The following DTWD1 variants were observed in gnomAD, a reference collection of about 807,000 sequenced individuals.
DTWD1 encodes the protein tRNA-uridine aminocarboxypropyltransferase 1.
In DTWD1, 27 loss-of-function variants were observed where a neutral mutation model predicts 30.2. The observed-to-expected ratio is 0.90, with a 90% CI of 0.66 to 1.23. The LOEUF (loss-of-function observed/expected upper bound fraction) is 1.23. DTWD1 is among the 50% of genes most tolerant of loss of function. The pLI, the probability that DTWD1 is intolerant of heterozygous loss-of-function variation, is 0.00. For synonymous variants in DTWD1, 99 were observed against 113.1 expected (o/e 0.88, Z 0.79); for missense variants, 342 against 348.8 (o/e 0.98, Z 0.15).
chr15:49,629,295 G>A (rs145844886), intron 2 of DTWD1, among the ~76,000 whole-genome samples: 1 of 152,130 alleles, frequency 6.6e-6, no homozygotes, highest in African/African-American at 2.4e-5. Flanking sequence ...TACAGGTTTT[G>A]CATAATTATG....
In DTWD1 at chr15:49,650,265, G is replaced by A. The variant is rs962701306; in HGVS notation, c.*6687G>A. On this transcript the variant is annotated 3_prime_UTR_variant, in exon 5 of 5. Coordinates refer to ENST00000403028, the MANE Select transcript of DTWD1 (RefSeq NM_001144955.2). ...TTTACTCTGAGTGATGAGATAGGAA[G>A]CCATCAGAGAATTTAAGCAAATGAG... The A allele has an allele frequency of 6.6e-6, 1 of 152,014 alleles. No individual in the cohort carries two copies. The highest frequency in any genetic ancestry group is 1.5e-5 in the Non-Finnish European group (1 of 67,982). 9.4% of individuals were successfully genotyped at this position (152,014 alleles called of 1,614,324 possible).
At chr15:49,642,922 C>A (rs2153354106) in intron 4 of DTWD1, among the ~76,000 whole-genome samples, 1 of 152,178 alleles carries the variant, frequency 6.6e-6, no homozygotes, top group South Asian at 2.1e-4. Context: ...GAGACCTCAT[C>A]TCTAAATAAA....
At position 49,634,619 on chromosome 15, in the gene DTWD1, T is replaced by C; in HGVS notation, c.492T>C (p.Val164=). ...FHLQKRIQNN[V]RGKNDDPDKP... ...TGCAAAAAAGGATTCAAAATAATGT[T>C]AGAGGCAAAAATGATGACCCTGACA... Residue 164 remains valine (V), a synonymous_variant, in exon 4 of 5, where the codon GTT becomes GTC. Coordinates refer to ENST00000403028, the MANE Select transcript of DTWD1 (RefSeq NM_001144955.2). 1.9e-6 allele frequency: 3 copies of C among 1,613,902 alleles called. No individual in the cohort carries two copies. The highest frequency in any genetic ancestry group is 2.5e-6 in the Non-Finnish European group (3 of 1,179,914).
At position 49,632,223 on chromosome 15, in the gene DTWD1, A is replaced by G; in HGVS notation, c.329A>G (p.His110Arg). The G allele has an allele frequency of 1.2e-6, 2 of 1,601,396 alleles. No homozygotes were observed. The highest frequency in any genetic ancestry group is 8.5e-7 in the Non-Finnish European group (1 of 1,176,874). The change falls in exon 3 of 5, where the codon CAT becomes CGT. Residue 110 changes from histidine to arginine, a missense_variant. His to Arg is a conservative substitution (Grantham distance 29). Coordinates refer to ENST00000403028, the MANE Select transcript of DTWD1 (RefSeq NM_001144955.2). ...ACAGATGGCAAAAGTACTGCTATAC[A>G]TGCAAAACTCTTAGCACCTGAATTT... ...NETDGKSTAIHAKLLAPEFVN... is the reference protein window; with the variant it reads ...NETDGKSTAIRAKLLAPEFVN...
chr15:49,632,380 C>G, intron 3 of DTWD1, 78 bp downstream of exon 3: 1 of 1,337,004 alleles, frequency 7.5e-7, no homozygotes, highest in Middle Eastern at 2.0e-4. Flanking sequence ...TCTGAACTTA[C>G]TCAAACATAA....
chr15:49,623,055 T>C (rs1354273912), intron 1 of DTWD1, among the ~76,000 whole-genome samples: 2 of 152,202 alleles, frequency 1.3e-5, no homozygotes, highest in African/African-American at 4.8e-5. Context: ...AACTCACCAG[T>C]AGTTTTCTGT....
chr15:49,652,874 G>C lies in DTWD1; in HGVS notation c.*9296G>C, dbSNP rs1051569345. 1 of 152,196 alleles carries C rather than the reference G, an allele frequency of 6.6e-6. No individual in the cohort carries two copies. Among genetic ancestry groups the C allele is most frequent in the Non-Finnish European group, 1.5e-5 (1 of 68,038 alleles). 9.4% of individuals were successfully genotyped at this position (152,196 alleles called of 1,614,324 possible). On this transcript the variant is annotated 3_prime_UTR_variant, in exon 5 of 5. Coordinates refer to ENST00000403028, the MANE Select transcript of DTWD1 (RefSeq NM_001144955.2). The stretch of plus-strand genomic sequence containing the variant: ...CAGCCTCCAACTGTCAGCTCCTTCA[G>C]AGTCTGCTTCAACTGCAGAAGGACA...
At chr15:49,623,388 A>T (rs951099782) in intron 1 of DTWD1, among the ~76,000 whole-genome samples, 1 of 151,712 alleles carries the variant, frequency 6.6e-6, no homozygotes, top group Non-Finnish European at 1.5e-5. Context: ...AGCATTTGCA[A>T]CTCTCATTTC....
rs1404016252 is a variant in DTWD1, at chr15:49,643,237, G to C, written c.668-94G>C. 3.0e-6 allele frequency: 4 copies of C among 1,328,986 alleles called. No homozygotes were observed. The East Asian group carries it at 8.5e-5, about 28-fold the overall frequency. The allele number at this position is 1,328,986 out of a possible 1,614,324, so 82.3% of individuals were successfully genotyped here. ...AAAAAAAAATTCTTAGAATAATTAA[G>C]AGAAATCATTATTATTGTACCAAGC... On this transcript the variant is annotated intron_variant, in intron 4 of 4. Coordinates refer to ENST00000403028, the MANE Select transcript of DTWD1 (RefSeq NM_001144955.2).
chr15:49,626,653 A>G (rs1200786992), intron 2 of DTWD1: 3 of 352,772 alleles, frequency 8.5e-6, no homozygotes, highest in Admixed American at 3.1e-5. Context: ...AGTTGTAGCT[A>G]TATTTTAAAA....
intron 1 of DTWD1, 88 bp from the exon 2 acceptor site, chr15:49,625,025 G>T: frequency 1.2e-6 from 1 of 818,122 alleles, no homozygotes; most frequent in South Asian, 1.9e-5. Context: ...GCACACAATT[G>T]TGACTTAAAT....
intron 4 of DTWD1, among the ~76,000 whole-genome samples, chr15:49,639,191 A>G (rs1303927269): frequency 6.6e-6 from 1 of 152,178 alleles, no homozygotes; most frequent in Non-Finnish European, 1.5e-5. Flanking sequence ...TTTGCAATTG[A>G]AGAAACTGAG....
At position 49,635,356 on chromosome 15, in the gene DTWD1, T is replaced by C. The variant is rs80241016; in HGVS notation, c.667+562T>C. On this transcript the variant is annotated intron_variant, in intron 4 of 4. Coordinates refer to ENST00000403028, the MANE Select transcript of DTWD1 (RefSeq NM_001144955.2). ...AGCCTAAGTGTACATTTTCTAAGAA[T>C]AAGAATATTCTCCTATATTAATAAA... Among the ~76,000 whole-genome samples, 658 of 152,138 alleles carry C rather than the reference T, an allele frequency of 4.3e-3. 10 individuals carry two copies. Among genetic ancestry groups the C allele is most frequent in the African/African-American group, 0.015 (628 of 41,510 alleles).
Position 49,632,078 on chromosome 15 carries a change from T to C in DTWD1, c.265-81T>C, listed in dbSNP as rs2078928092. 4 of 1,204,592 alleles carry C rather than the reference T, an allele frequency of 3.3e-6. No individual in the cohort carries two copies. In the South Asian group the frequency reaches 4.7e-5, roughly 14 times the overall value. 74.6% of individuals were successfully genotyped at this position (1,204,592 alleles called of 1,614,324 possible). Reference sequence around the variant, plus strand: ...ATAGGAGTTTATTGTGAGCTTCCTATTTAGCTTTAAAGACCCTTTTTATTA... The same window carrying C: ...ATAGGAGTTTATTGTGAGCTTCCTACTTAGCTTTAAAGACCCTTTTTATTA... On this transcript the variant is annotated intron_variant, in intron 2 of 4. Coordinates refer to ENST00000403028, the MANE Select transcript of DTWD1 (RefSeq NM_001144955.2).
chr15:49,627,136 G>A (rs2078854485), intron 2 of DTWD1, among the ~76,000 whole-genome samples: 1 of 151,946 alleles, frequency 6.6e-6, no homozygotes. Flanking sequence ...ATAATAGAGG[G>A]TATTTTCCAA....
chr15:49,625,042 ATTTTCT>A, intron 1 of DTWD1, 65 bp from the exon 2 acceptor site: 1 of 983,352 alleles, frequency 1.0e-6, no homozygotes, highest in Non-Finnish European at 1.5e-6. Flanking sequence ...AAATTGAGTA[ATTTTCT>A]TTGTAGACTG....
intron 1 of DTWD1, among the ~76,000 whole-genome samples, chr15:49,621,599 T>G (rs1258832667): frequency 6.6e-6 from 1 of 152,190 alleles, no homozygotes; most frequent in Admixed American, 6.5e-5. Context: ...GCCTGTTTCT[T>G]ACGTCTAAAT....
At position 49,656,041 on chromosome 15, in the gene DTWD1, A is replaced by G. The variant is rs753272262; in HGVS notation, c.*12463A>G. The G allele has an allele frequency of 6.6e-5, 10 of 151,930 alleles. No homozygotes were observed. Among genetic ancestry groups the G allele is most frequent in the Non-Finnish European group, 7.4e-5 (5 of 67,994 alleles). The allele number at this position is 151,930 out of a possible 1,614,324, so 9.4% of individuals were successfully genotyped here. On this transcript the variant is annotated 3_prime_UTR_variant, in exon 5 of 5. Coordinates refer to ENST00000403028, the MANE Select transcript of DTWD1 (RefSeq NM_001144955.2). Reference sequence around the variant, plus strand: ...GAAATACAGTACAATTACAACAAGCATCAATGAATATTTAATGAGCAGCTG... The same window carrying G: ...GAAATACAGTACAATTACAACAAGCGTCAATGAATATTTAATGAGCAGCTG...
intron 2 of DTWD1, among the ~76,000 whole-genome samples, chr15:49,631,456 T>TA (rs1238047117): frequency 6.6e-6 from 1 of 152,132 alleles, no homozygotes; most frequent in Non-Finnish European, 1.5e-5. Context: ...TGCCCAAACT[T>TA]ACATTTCTTT....
Sources: allele counts gnomAD v4.1 joint callset (sites outside exome capture counted in the v4.1 genomes callset), GRCh38; gene constraint gnomAD v4.1.1; transcripts MANE v1.5; gene names NCBI Gene and HGNC (gene_info 2026-07-23, HGNC 2026-07-21).